FGD4: variants seen among roughly 807,000 people sequenced by gnomAD.
The protein encoded by FGD4 is FYVE, RhoGEF and PH domain-containing protein 4.
FGD4 carries 42 observed loss-of-function variants against 102.0 expected under a neutral mutation model. The ratio of observed to expected loss-of-function variants is 0.41; its 90% CI spans 0.32 to 0.53. The LOEUF (loss-of-function observed/expected upper bound fraction) is 0.53, where lower values mean the gene tolerates loss of function less well. Among genes scored for constraint, FGD4 ranks in the 20% least tolerant of loss-of-function variants. The pLI is 0.21. For synonymous variants in FGD4, 380 were observed against 375.7 expected, an observed-to-expected ratio of 1.01 and a Z score of -0.13; for missense variants, 902 against 1,078.2, an observed-to-expected ratio of 0.84 and a Z score of 2.29.
chr12:32,548,459 A>T (rs1198878370), intron 1 of FGD4, among the ~76,000 whole-genome samples: 1 of 152,200 alleles, frequency 6.6e-6, no homozygotes, highest in African/African-American at 2.4e-5. Context: ...CTGCATTTCC[A>T]TATTACTATT....
At chr12:32,546,337 T>C (rs1943221398) in intron 1 of FGD4, among the ~76,000 whole-genome samples, 1 of 152,220 alleles carries the variant, frequency 6.6e-6, no homozygotes, top group South Asian at 2.1e-4. Flanking sequence ...TAGCTGGGAT[T>C]ACAGGCAGGA....
chr12:32,443,871 AT>A (rs1325063849), intron 1 of FGD4, among the ~76,000 whole-genome samples: 1 of 151,882 alleles, frequency 6.6e-6, no homozygotes, highest in Non-Finnish European at 1.5e-5. Flanking sequence ...AAAAATATTT[AT>A]TTCAAAGAGC....
chr12:32,407,953 C>G (rs1306389126), intron 1 of FGD4, among the ~76,000 whole-genome samples: 2 of 151,676 alleles, frequency 1.3e-5, no homozygotes, highest in Non-Finnish European at 2.9e-5. Flanking sequence ...CTCCTCACCC[C>G]CAATGAGGTA....
chr12:32,484,974 A>G (rs994948489), intron 1 of FGD4, among the ~76,000 whole-genome samples: 3 of 152,314 alleles, frequency 2.0e-5, no homozygotes, highest in Non-Finnish European at 4.4e-5. Context: ...ATAGTAGCTC[A>G]CTATGTAACG....
At chr12:32,463,139 G>A (rs1232594164) in intron 1 of FGD4, among the ~76,000 whole-genome samples, 1 of 152,150 alleles carries the variant, frequency 6.6e-6, no homozygotes, top group African/African-American at 2.4e-5. Flanking sequence ...TTTATAACTT[G>A]GTGTGTATGA....
chr12:32,517,752 G>A (rs1940046775), intron 1 of FGD4, among the ~76,000 whole-genome samples: 2 of 152,022 alleles, frequency 1.3e-5, no homozygotes, highest in Non-Finnish European at 1.5e-5. Context: ...TTGGCATGGT[G>A]GCATGTGCCT....
chr12:32,620,938 C>T (rs1949805213), intron 11 of FGD4, among the ~76,000 whole-genome samples: 1 of 151,674 alleles, frequency 6.6e-6, no homozygotes, highest in African/African-American at 2.4e-5. Flanking sequence ...GCTGGGATTA[C>T]AGGCATGAGC....
At chr12:32,504,987 A>G (rs915385424) in intron 1 of FGD4, among the ~76,000 whole-genome samples, 1 of 152,170 alleles carries the variant, frequency 6.6e-6, no homozygotes, top group South Asian at 2.1e-4. Context: ...TGAGTCCTTC[A>G]GTTTCTTTGC....
Position 32,502,100 on chromosome 12 carries a change from C to A in FGD4, c.167-62037C>A, listed in dbSNP as rs79370524. ...GCAGTAGTCACACACTTCTACCAAT[C>A]GCCTTAGGAGGGCTGGTTACCATGG... On this transcript the variant is annotated intron_variant, in intron 1 of 16. Coordinates refer to ENST00000534526, the MANE Select transcript of FGD4 (RefSeq NM_001370298.3). 5.0e-4 allele frequency: 488 copies of A among 985,460 alleles called. 10 individuals carry two copies. In the East Asian group the frequency reaches 0.042, roughly 85 times the overall value. The allele number at this position is 985,460 out of a possible 1,614,324, so 61.0% of individuals were successfully genotyped here. A position where few individuals can be genotyped will look rare whatever the true frequency, so the allele number is the denominator to read the frequency against.
intron 1 of FGD4, among the ~76,000 whole-genome samples, chr12:32,491,323 G>GTAAA (rs1944086992): frequency 6.6e-6 from 1 of 152,144 alleles, no homozygotes; most frequent in African/African-American, 2.4e-5. Flanking sequence ...AGATCTTCTA[G>GTAAA]TAAATAGTGC....
chr12:32,541,113 C>A (rs927663541), intron 1 of FGD4, among the ~76,000 whole-genome samples: 8 of 151,534 alleles, frequency 5.3e-5, no homozygotes, highest in African/African-American at 9.7e-5. Flanking sequence ...CATTTTTTTT[C>A]TTCCTAACTT....
chr12:32,492,301 C>T (rs1343581955), intron 1 of FGD4, among the ~76,000 whole-genome samples: 1 of 149,936 alleles, frequency 6.7e-6, no homozygotes, highest in African/African-American at 2.5e-5. Flanking sequence ...ACATCAAAGT[C>T]CCCTTTTAAC....
At chr12:32,449,932 T>G (rs999467264) in intron 1 of FGD4, among the ~76,000 whole-genome samples, 4 of 151,786 alleles carry the variant, frequency 2.6e-5, no homozygotes, top group African/African-American at 9.7e-5. Context: ...TTTTTTTATT[T>G]TATTTATTTT....
intron 1 of FGD4, among the ~76,000 whole-genome samples, chr12:32,464,582 A>C (rs1015029211): frequency 3.9e-5 from 6 of 152,240 alleles, no homozygotes; most frequent in Non-Finnish European, 8.8e-5. Flanking sequence ...TTGAATAATA[A>C]TAGAAGAATA....
chr12:32,601,293 C>G lies in FGD4; in HGVS notation c.1117C>G (p.Leu373Val). The G allele has an allele frequency of 6.2e-7, 1 of 1,614,062 alleles. No homozygotes were observed. The highest frequency in any genetic ancestry group is 1.3e-5 in the African/African-American group (1 of 75,030). Residue 373 changes from leucine to valine, a missense_variant, in exon 6 of 17, where the codon CTG becomes GTG. Physicochemically the swap from Leu to Val is conservative, Grantham distance 32. Around this residue, in one of 2 missense-constraint regions of FGD4, gnomAD observed 443 missense variants for 459.2 expected, o/e 0.96. Transcript: ENST00000534526. ...TTTTATTCAGGTATTTTATTGCAAA[C>G]TGTTGGAAGAAGCAAACCGAGGCTC... ...DLLDQVFYCK[L>V]LEEANRGSFP...
In FGD4 at chr12:32,638,669, A is replaced by C; in HGVS notation, c.2328A>C (p.Glu776Asp). The C allele has an allele frequency of 6.2e-7, 1 of 1,614,208 alleles. No homozygotes were observed. Among genetic ancestry groups the C allele is most frequent in the South Asian group, 1.1e-5 (1 of 91,082 alleles). ...RKGILEIESA[E>D]VSGNSVVCSF... ...TATTTTTCTAGATTGAATCAGCAGAAGTATCTGGAAACAGTGTGGTGTGCA... is the reference window on the plus strand; with the variant it reads ...TATTTTTCTAGATTGAATCAGCAGACGTATCTGGAAACAGTGTGGTGTGCA... The change falls in exon 16 of 17, where the codon GAA becomes GAC. Residue 776 changes from glutamate to aspartate, a missense_variant. Glu to Asp is a conservative substitution (Grantham distance 45). Around this residue, in one of 2 missense-constraint regions of FGD4, gnomAD observed 459 missense variants for 619.0 expected, o/e 0.74. Coordinates refer to ENST00000534526, the MANE Select transcript of FGD4 (RefSeq NM_001370298.3).
chr12:32,563,340 G>C (rs1430895857), intron 1 of FGD4, among the ~76,000 whole-genome samples: 3 of 141,176 alleles, frequency 2.1e-5, no homozygotes, highest in African/African-American at 8.1e-5. Flanking sequence ...GGCCGGGCAG[G>C]GGCGCTCCTC....
In FGD4 at chr12:32,453,235, A is replaced by AT. The variant is rs1206930943; in HGVS notation, c.166+53277dup. Reference sequence around the variant, plus strand: ...ATATATATATAATATAGATATATATATATTTTTTTTTTTTTAAATGTAGAG... The same window carrying AT: ...ATATATATATAATATAGATATATATATTATTTTTTTTTTTTTAAATGTAGAG... On this transcript the variant is annotated intron_variant, in intron 1 of 16. Coordinates refer to ENST00000534526, the MANE Select transcript of FGD4 (RefSeq NM_001370298.3). 6.2e-4 allele frequency among the ~76,000 whole-genome samples: 31 copies of AT among 49,776 alleles called. 1 individual carries two copies. Among genetic ancestry groups the AT allele is most frequent in the South Asian group, 2.0e-3 (3 of 1,496 alleles). The allele number at this position is 49,776 out of a possible 152,430, so 32.7% of individuals were successfully genotyped here.
At chr12:32,625,908 G>A (rs992352564) in intron 14 of FGD4, 129 bp downstream of exon 14, 67 of 1,262,030 alleles carry the variant, frequency 5.3e-5, no homozygotes, top group Non-Finnish European at 7.3e-5. Flanking sequence ...TGCCAATTAC[G>A]TGCAGAGGAC....
Sources: allele counts gnomAD v4.1 joint callset (sites outside exome capture counted in the v4.1 genomes callset), GRCh38; gene constraint gnomAD v4.1.1; regional missense constraint gnomAD v4.1.1; transcripts MANE v1.5; gene names NCBI Gene and HGNC (gene_info 2026-07-23, HGNC 2026-07-21).